Variants in PSD2 observed in about 807,000 individuals in gnomAD.
PSD2 encodes pleckstrin and Sec7 domain containing 2.
In PSD2, 38 loss-of-function variants were observed where a neutral mutation model predicts 69.8. The observed-to-expected ratio is 0.54, with a 90% CI of 0.42 to 0.71. The LOEUF (loss-of-function observed/expected upper bound fraction) is 0.71, where lower values mean the gene tolerates loss of function less well. PSD2 is among the 30% of genes least tolerant of loss of function. The probability of loss-of-function intolerance (pLI) is 0.00; values close to 1 mark genes in which losing one functional copy is unlikely to be tolerated. For synonymous variants in PSD2, 412 were observed against 423.0 expected, an observed-to-expected ratio of 0.97 and a Z score of 0.32; for missense variants, 943 against 1,014.5, an observed-to-expected ratio of 0.93 and a Z score of 0.96.
intron 1 of PSD2, among the ~76,000 whole-genome samples, chr5:139,805,272 C>T (rs905294108): frequency 4.6e-5 from 7 of 152,206 alleles, no homozygotes; most frequent in East Asian, 1.9e-4. Context: ...TAAAAGGGAC[C>T]GTAAGATTAT....
At chr5:139,840,221 T>G (rs760053593) in intron 14 of PSD2, 51 bp downstream of exon 14, 2 of 1,600,244 alleles carry the variant, frequency 1.2e-6, no homozygotes, top group South Asian at 1.1e-5. Context: ...CTCTTTCTCC[T>G]TCCTGCCTGG....
At chr5:139,784,686 C>T in the PSD2 span, among the ~76,000 whole-genome samples, 1 of 152,270 alleles carries the variant, frequency 6.6e-6, no homozygotes, top group East Asian at 1.9e-4. Flanking sequence ...CATATTCCCA[C>T]CCCAGGGCCT....
chr5:139,821,467 G>A (rs1459769086), intron 5 of PSD2, among the ~76,000 whole-genome samples: 1 of 152,182 alleles, frequency 6.6e-6, no homozygotes, highest in African/African-American at 2.4e-5. Flanking sequence ...GTTGGGCCTG[G>A]GGCTCAGCTG....
chr5:139,789,390 A>C, the PSD2 span, among the ~76,000 whole-genome samples: 2 of 152,112 alleles, frequency 1.3e-5, no homozygotes, highest in Non-Finnish European at 2.9e-5. Flanking sequence ...AAGTAGCCCT[A>C]CCCACCAGCC....
chr5:139,763,322 G>A, the PSD2 span, among the ~76,000 whole-genome samples: 1 of 152,128 alleles, frequency 6.6e-6, no homozygotes, highest in African/African-American at 2.4e-5. Flanking sequence ...ACGTCACTCT[G>A]AAGCATGTTT....
intron 8 of PSD2, 146 bp downstream of exon 8, chr5:139,833,937 TCAA>T (rs1162403381): frequency 4.4e-6 from 3 of 681,950 alleles, no homozygotes; most frequent in Non-Finnish European, 8.0e-6. Context: ...ACCACTGAGC[TCAA>T]CATTTGGCTG....
chr5:139,784,264 C>T, the PSD2 span, among the ~76,000 whole-genome samples: 2 of 152,064 alleles, frequency 1.3e-5, no homozygotes, highest in Non-Finnish European at 2.9e-5. Context: ...TGTGGGAGGG[C>T]CTCAGGGGTC....
Position 139,822,746 on chromosome 5 carries a change from T to C in PSD2, c.1231T>C (p.Cys411Arg). Reference protein sequence around the residue: ...TSEDGIHTLTCALMLLNTDLH... With the variant: ...TSEDGIHTLTRALMLLNTDLH... The stretch of plus-strand genomic sequence containing the variant: ...CTCAGATGGGATCCACACGCTCACC[T>C]GTGCCCTGATGCTGCTCAACACGGA... Residue 411 changes from cysteine (C) to arginine (R), a missense_variant, in exon 7 of 15, where the codon TGT (cysteine) becomes CGT (arginine). Transcript: ENST00000274710. The C allele has an allele frequency of 6.2e-7, 1 of 1,611,104 alleles. No homozygotes were observed. The highest frequency in any genetic ancestry group is 8.5e-7 in the Non-Finnish European group (1 of 1,178,568).
chr5:139,837,089 G>A lies in PSD2; in HGVS notation c.1595-79G>A, dbSNP rs528166448. 1.1e-5 allele frequency: 17 copies of A among 1,598,686 alleles called. No homozygotes were observed. In the South Asian group the frequency reaches 1.3e-4, roughly 13 times the overall value. ...CCACTCTTTGGGGACGAACATACAG[G>A]TGGACACGTAGTGGGAGGTGGGGTT... On this transcript the variant is annotated intron_variant, in intron 10 of 14. Coordinates refer to ENST00000274710, the MANE Select transcript of PSD2 (RefSeq NM_032289.4). This position sits in a 1 kb window ranked among gnomAD's most constrained non-coding sequence, Gnocchi z 5.0.
chr5:139,838,634 G>A lies in PSD2; in HGVS notation c.1830G>A (p.Lys610=). The A allele has an allele frequency of 6.2e-7, 1 of 1,612,376 alleles. No homozygotes were observed. The change falls in exon 13 of 15, where the codon AAG becomes AAA. Residue 610 remains lysine (K), a synonymous_variant. Coordinates refer to ENST00000274710, the MANE Select transcript of PSD2 (RefSeq NM_032289.4). ...CTCCCCCTCCTGTCCCCAGGAGCAA[G>A]GAAGAAATGCTGTCCTGGATCCTCA... ...WRVFLFQAPS[K]EEMLSWILRI...
intron 7 of PSD2, 51 bp downstream of exon 7, chr5:139,822,835 C>A (rs575208841): frequency 1.3e-6 from 2 of 1,497,446 alleles, no homozygotes; most frequent in East Asian, 2.4e-5. Flanking sequence ...AGGGACCCAC[C>A]TTGTGTTGAT....
At chr5:139,775,559 G>A in the PSD2 span, 1 of 152,482 alleles carries the variant, frequency 6.6e-6, no homozygotes, top group Non-Finnish European at 1.5e-5. Context: ...ACTCAGCAGG[G>A]GAATTCAGAC....
chr5:139,809,933 T>A, intron 2 of PSD2, 122 bp downstream of exon 2: 2 of 1,077,764 alleles, frequency 1.9e-6, no homozygotes, highest in Non-Finnish European at 2.7e-6. Flanking sequence ...GGGGATTTCA[T>A]ATCCCTCTTT....
At chr5:139,811,544 G>T (rs1007994792) in intron 2 of PSD2, among the ~76,000 whole-genome samples, 18 of 152,094 alleles carry the variant, frequency 1.2e-4, no homozygotes, top group Admixed American at 1.2e-3. Context: ...TTCTTTCCTT[G>T]TGTCTCTTCC....
rs1186537512 is a variant in PSD2 at position 139,839,628 on chromosome 5, C to A, written c.1969-399C>A. On this transcript the variant is annotated intron_variant, in intron 13 of 14. Transcript: ENST00000274710. The surrounding 1 kb of genome is among the most constrained non-coding windows in gnomAD (Gnocchi z 5.1). ...AAGAGAACGCGTGTATCATATGGAG[C>A]AGGGGATAGCGGGGCCAGGCTGGCC... Among the ~76,000 whole-genome samples, 1 of 152,242 alleles carries A rather than the reference C, an allele frequency of 6.6e-6. No individual in the cohort carries two copies. The highest frequency in any genetic ancestry group is 1.5e-5 in the Non-Finnish European group (1 of 68,044).
At chr5:139,751,085 T>C in the PSD2 span, among the ~76,000 whole-genome samples, 1 of 152,092 alleles carries the variant, frequency 6.6e-6, no homozygotes, top group Non-Finnish European at 1.5e-5. Context: ...CACTGTGGCT[T>C]GGGTAGAGGA....
At chr5:139,760,990 G>A in the PSD2 span, among the ~76,000 whole-genome samples, 3 of 152,062 alleles carry the variant, frequency 2.0e-5, no homozygotes, top group Admixed American at 6.5e-5. Flanking sequence ...GTGGTCTAGT[G>A]GTTAGGATAA....
chr5:139,838,890 AC>A, intron 13 of PSD2, 118 bp downstream of exon 13: 1 of 1,112,228 alleles, frequency 9.0e-7, no homozygotes, highest in Non-Finnish European at 1.3e-6. Context: ...GCTGAAGGAC[AC>A]CAGAGAAGGA....
intron 5 of PSD2, among the ~76,000 whole-genome samples, chr5:139,820,319 T>C (rs1760225608): frequency 6.7e-6 from 1 of 150,102 alleles, no homozygotes; most frequent in South Asian, 2.1e-4. Flanking sequence ...CCTGGAGGAA[T>C]GTGAGAAGAG....
Sources: gnomAD v4.1 joint callset for allele counts (sites outside exome capture counted in the v4.1 genomes callset) on GRCh38, gnomAD v4.1.1 for gene constraint, Gnocchi (gnomAD v3.1) non-coding constraint, MANE v1.5 for transcripts, NCBI Gene and HGNC (gene_info 2026-07-23, HGNC 2026-07-21) for gene names.